The following ACYP2 variants were observed in gnomAD, a reference collection of about 807,000 sequenced individuals.
ACYP2 encodes acylphosphatase 2, also known as acylphosphatase-2.
A neutral mutation model predicts 11.2 loss-of-function variants in ACYP2; 12 were observed. The ratio of observed to expected loss-of-function variants is 1.08; its 90% CI spans 0.69 to 1.74. The LOEUF (loss-of-function observed/expected upper bound fraction) is 1.74. Ranked by LOEUF, ACYP2 falls within the 40% of genes most tolerant of loss-of-function variation. The pLI is 0.00. For synonymous variants in ACYP2, 43 were observed against 32.2 expected (o/e 1.33, Z -1.13); for missense variants, 134 against 101.9 (o/e 1.31, Z -1.35).
chr2:54,017,660 G>C, intron 2 of ACYP2, among the ~76,000 whole-genome samples: 2 of 152,230 alleles, frequency 1.3e-5, no homozygotes, highest in Middle Eastern at 6.8e-3. Context: ...ATAGATAGAC[G>C]TAGTTCAGGA....
intron 2 of ACYP2, among the ~76,000 whole-genome samples, chr2:54,039,659 C>G (rs1675115851): frequency 1.3e-5 from 2 of 152,086 alleles, no homozygotes. Context: ...ACTCCTCGAT[C>G]CACCCACCTC....
rs190835898 is a variant in ACYP2 at position 54,051,436 on chromosome 2, A to T, written c.155+386A>T. On this transcript the variant is annotated intron_variant, in intron 3 of 6. Coordinates refer to ENST00000607452, the MANE Select transcript of ACYP2 (RefSeq NM_001320586.2). ...TTATGAAAGAGAAATGAAAATCTAT[A>T]TCCCTCCTAAACGGGTGACAAAAAA... is the stretch of plus-strand genomic sequence containing the variant. 1.1e-5 allele frequency: 8 copies of T among 715,312 alleles called. No individual in the cohort carries two copies. In the East Asian group the frequency reaches 1.7e-4, roughly 15 times the overall value. 44.3% of individuals were successfully genotyped at this position (715,312 alleles called of 1,614,324 possible). A position where few individuals can be genotyped will look rare whatever the true frequency, so the allele number is the denominator to read the frequency against.
intron 2 of ACYP2, among the ~76,000 whole-genome samples, chr2:53,994,027 T>C (rs1424436673): frequency 6.6e-6 from 1 of 151,692 alleles, no homozygotes; most frequent in African/African-American, 2.4e-5. Context: ...CTACTAAAAA[T>C]CGTACAAAAT....
At chr2:54,056,255 T>A (rs186664570) in intron 3 of ACYP2, among the ~76,000 whole-genome samples, 1 of 152,316 alleles carries the variant, frequency 6.6e-6, no homozygotes, top group East Asian at 1.9e-4. Context: ...TCTACTGAAC[T>A]GATAGGCAGC....
chr2:54,053,129 G>A (rs909203310), intron 3 of ACYP2, among the ~76,000 whole-genome samples: 1 of 152,186 alleles, frequency 6.6e-6, no homozygotes, highest in African/African-American at 2.4e-5. Context: ...TTCACTGTTG[G>A]CTCAGTATAA....
At chr2:54,233,611 C>A (rs1682133) in intron 6 of ACYP2, among the ~76,000 whole-genome samples, 9,173 of 152,124 alleles carry the variant, frequency 0.06, 384 homozygotes, top group Non-Finnish European at 0.09. Context: ...TGGCCCCAAA[C>A]ATTTTCTTAT....
intron 4 of ACYP2, among the ~76,000 whole-genome samples, chr2:54,116,010 A>G (rs547084169): frequency 4.3e-4 from 65 of 152,248 alleles, no homozygotes; most frequent in African/African-American, 1.5e-3. Flanking sequence ...GCTGAGGACC[A>G]GAAGTGGGCG....
intron 6 of ACYP2, among the ~76,000 whole-genome samples, chr2:54,178,408 A>G (rs970028537): frequency 1.3e-4 from 20 of 152,182 alleles, no homozygotes; most frequent in African/African-American, 4.6e-4. Flanking sequence ...TCTTTTGTGC[A>G]GTGTTTATAG....
Position 54,252,594 on chromosome 2 carries a change from T to C in ACYP2, c.405-52094T>C, listed in dbSNP as rs556217772. On this transcript the variant is annotated intron_variant, in intron 6 of 6. Coordinates refer to ENST00000607452, the MANE Select transcript of ACYP2 (RefSeq NM_001320586.2). Reference sequence around the variant, plus strand: ...TTTTTTCAGTGACATGCTTCAATTTTACCATCATCCATTCATAAGGAAAGA... The same window carrying C: ...TTTTTTCAGTGACATGCTTCAATTTCACCATCATCCATTCATAAGGAAAGA... 2.6e-5 allele frequency among the ~76,000 whole-genome samples: 4 copies of C among 152,310 alleles called. No homozygotes were observed. The South Asian group carries it at 8.3e-4, about 32-fold the overall frequency.
intron 4 of ACYP2, among the ~76,000 whole-genome samples, chr2:54,081,947 G>A (rs551751604): frequency 1.3e-5 from 2 of 152,188 alleles, no homozygotes; most frequent in African/African-American, 4.8e-5. Context: ...CAGGAAGCTC[G>A]TATGGGCTTC....
At chr2:54,023,629 C>G (rs907529961) in intron 2 of ACYP2, among the ~76,000 whole-genome samples, 1 of 152,124 alleles carries the variant, frequency 6.6e-6, no homozygotes, top group South Asian at 2.1e-4. Flanking sequence ...AGTATCCTTT[C>G]ATGGGCGTAC....
intron 6 of ACYP2, among the ~76,000 whole-genome samples, chr2:54,233,912 A>G (rs1479443189): frequency 6.6e-6 from 1 of 152,214 alleles, no homozygotes; most frequent in Non-Finnish European, 1.5e-5. Context: ...ATAAGTGACA[A>G]TGTCAGCCAT....
chr2:54,244,151 AC>A (rs1337671721), intron 6 of ACYP2, among the ~76,000 whole-genome samples: 1 of 152,084 alleles, frequency 6.6e-6, no homozygotes, highest in African/African-American at 2.4e-5. Context: ...TTTTCTCAAG[AC>A]AATTGGAGTT....
intron 6 of ACYP2, among the ~76,000 whole-genome samples, chr2:54,274,674 A>T (rs933417173): frequency 6.6e-6 from 1 of 151,856 alleles, no homozygotes; most frequent in African/African-American, 2.4e-5. Flanking sequence ...ACTAAAAGAA[A>T]AATCTAGGGA....
At chr2:54,053,013 G>A (rs866149059) in intron 3 of ACYP2, among the ~76,000 whole-genome samples, 39 of 152,352 alleles carry the variant, frequency 2.6e-4, no homozygotes, top group African/African-American at 8.9e-4. Context: ...CTGGCACAAT[G>A]TTTCATCAGT....
rs188423654 is a variant in ACYP2 at position 54,004,987 on chromosome 2, C to G, written c.62+31177C>G. ...TCTAACAGTCTTCTATCAGACATGT[C>G]TTTTGCAAGTATTTTCTCCAGTGTG... On this transcript the variant is annotated intron_variant, in intron 2 of 6. Transcript: ENST00000607452. Among the ~76,000 whole-genome samples the G allele has an allele frequency of 2.4e-3, 356 of 151,170 alleles. 3 individuals are homozygous for G. The highest frequency in any genetic ancestry group is 8.5e-3 in the African/African-American group (349 of 41,198).
intron 6 of ACYP2, among the ~76,000 whole-genome samples, chr2:54,286,541 G>C (rs945263319): frequency 1.3e-5 from 2 of 151,928 alleles, no homozygotes; most frequent in Non-Finnish European, 2.9e-5. Flanking sequence ...ATGTCTATCA[G>C]AGAACAATCC....
chr2:54,046,482 TAA>T (rs34695884), intron 2 of ACYP2, among the ~76,000 whole-genome samples: 8,364 of 88,600 alleles, frequency 0.094, 319 homozygotes, highest in East Asian at 0.31. Flanking sequence ...CAAGACTGTC[TAA>T]AAAAAAAAAA....
intron 2 of ACYP2, chr2:54,030,509 T>A (rs1044360598): frequency 1.3e-5 from 2 of 155,446 alleles, no homozygotes; most frequent in Non-Finnish European, 2.8e-5. Context: ...CTAACTGGAG[T>A]GCTATGCAGG....
Sources: allele counts gnomAD v4.1 joint callset (sites outside exome capture counted in the v4.1 genomes callset), GRCh38; gene constraint gnomAD v4.1.1; transcripts MANE v1.5; gene names NCBI Gene and HGNC (gene_info 2026-07-23, HGNC 2026-07-21).